The following PCDHGA1 variants were observed in gnomAD, a reference collection of about 807,000 sequenced individuals.
PCDHGA1 encodes the protein protocadherin gamma-A1.
PCDHGA1 carries 32 observed loss-of-function variants against 58.0 expected under a neutral mutation model. The ratio of observed to expected loss-of-function variants is 0.55; its 90% CI spans 0.42 to 0.74. The LOEUF (loss-of-function observed/expected upper bound fraction) is 0.74. Ranked by LOEUF, PCDHGA1 falls within the 30% of genes least tolerant of loss-of-function variation. PCDHGA1 has a pLI of 0.00. For missense variants in PCDHGA1, 1,205 were observed against 1,182.3 expected (o/e 1.02, Z -0.28); for synonymous variants, 498 against 501.1 (o/e 0.99, Z 0.08).
rs568878521 is a variant in PCDHGA1, at chr5:141,330,874, G to A, written c.190G>A (p.Val64Ile). 2.1e-5 allele frequency: 34 copies of A among 1,614,222 alleles called. No individual in the cohort carries two copies. The highest frequency in any genetic ancestry group is 3.3e-4 in the Middle Eastern group (2 of 6,062). ...LQPQELADGG[V>I]RIVSRGRMPL... ...ACCCCAGGAGCTGGCAGATGGCGGA[G>A]TCCGCATCGTCTCCAGAGGTAGGAT... The change falls in exon 1 of 4, where the codon GTC (valine) becomes ATC (isoleucine). Residue 64 changes from valine to isoleucine, a missense_variant. Transcript: ENST00000517417.
At chr5:141,409,192 G>A in intron 1 of PCDHGA1, 4 of 1,614,000 alleles carry the variant, frequency 2.5e-6, no homozygotes, top group Non-Finnish European at 3.4e-6. Context: ...TCTCTACCCA[G>A]TGTAAAGTAA....
At chr5:141,406,836 TC>T (rs2094857566) in intron 1 of PCDHGA1, among the ~76,000 whole-genome samples, 1 of 152,232 alleles carries the variant, frequency 6.6e-6, no homozygotes, top group Non-Finnish European at 1.5e-5. Context: ...AACTTGCATA[TC>T]AGATATAATT....
chr5:141,366,634 G>T, intron 1 of PCDHGA1: 1 of 1,614,220 alleles, frequency 6.2e-7, no homozygotes, highest in African/African-American at 1.3e-5. Context: ...AGAGTCACCT[G>T]ATCTTTCCCC....
At chr5:141,413,352 G>T in intron 1 of PCDHGA1, 11 of 1,613,976 alleles carry the variant, frequency 6.8e-6, no homozygotes, top group Non-Finnish European at 9.3e-6. Flanking sequence ...TGGGTCTGGC[G>T]CCCCGGGAGC....
rs1430647254 is a variant in PCDHGA1 at position 141,477,750 on chromosome 5, C to T, written c.2422-17057C>T. On this transcript the variant is annotated intron_variant, in intron 1 of 3. Coordinates refer to ENST00000517417, the MANE Select transcript of PCDHGA1 (RefSeq NM_018912.3). This position sits in a 1 kb window ranked among gnomAD's most constrained non-coding sequence, Gnocchi z 4.9. ...GCTCATATCAGCGATGGGGGCACCC[C>T]GGTCCTAGCCACCAACATCAGCGTG... 8 of 1,613,772 alleles carry T rather than the reference C, an allele frequency of 5.0e-6. No individual in the cohort carries two copies. Among genetic ancestry groups the T allele is most frequent in the East Asian group, 2.2e-5 (1 of 44,890 alleles).
At position 141,432,880 on chromosome 5, in the gene PCDHGA1, C is replaced by A. The variant is rs865848752; in HGVS notation, c.2422-61927C>A. 3 of 1,614,194 alleles carry A rather than the reference C, an allele frequency of 1.9e-6. No homozygotes were observed. The highest frequency in any genetic ancestry group is 2.5e-6 in the Non-Finnish European group (3 of 1,180,008). ...CGGTCTCCTGCGTCTTCCTGGCCTT[C>A]GTCATCTTGCTGCTGGCGCTCAGGC... On this transcript the variant is annotated intron_variant, in intron 1 of 3. Coordinates refer to ENST00000517417, the MANE Select transcript of PCDHGA1 (RefSeq NM_018912.3). The surrounding 1 kb of genome is among the most constrained non-coding windows in gnomAD (Gnocchi z 6.0).
At chr5:141,351,644 C>A (rs2149763942) in intron 1 of PCDHGA1, 1 of 1,614,060 alleles carries the variant, frequency 6.2e-7, no homozygotes, top group South Asian at 1.1e-5. Context: ...TGAGAACAAC[C>A]CACCTGGCGC....
chr5:141,384,158 T>A (rs1449699621), intron 1 of PCDHGA1: 1 of 1,613,550 alleles, frequency 6.2e-7, no homozygotes, highest in Non-Finnish European at 8.5e-7. Flanking sequence ...TTGTATAACA[T>A]CACACTGAAA....
intron 1 of PCDHGA1, among the ~76,000 whole-genome samples, chr5:141,449,199 A>T (rs927587807): frequency 3.3e-5 from 5 of 152,190 alleles, no homozygotes; most frequent in Admixed American, 2.6e-4. Flanking sequence ...AGAAGTGTTA[A>T]TTCTAACTTT....
chr5:141,352,213 C>T lies in PCDHGA1; in HGVS notation c.2421+19108C>T, dbSNP rs772410475. 7.4e-6 allele frequency: 12 copies of T among 1,614,056 alleles called. No homozygotes were observed. The Middle Eastern group carries it at 5.0e-4, about 67-fold the overall frequency. On this transcript the variant is annotated intron_variant, in intron 1 of 3. Coordinates refer to ENST00000517417, the MANE Select transcript of PCDHGA1 (RefSeq NM_018912.3). ...GTGATGGAGGACAGCCGCCACTCTC[C>T]GCCACCGCCACGCTGCACCTAATCT...
Position 141,510,982 on chromosome 5 carries a change from G to A in PCDHGA1, c.2605G>A (p.Ala869Thr). The A allele has an allele frequency of 3.1e-6, 5 of 1,614,166 alleles. No homozygotes were observed. Among genetic ancestry groups the A allele is most frequent in the Non-Finnish European group, 3.4e-6 (4 of 1,180,018 alleles). Reference protein sequence around the residue: ...ADGSSTLGGGAGTMGLSARYG... With the variant: ...ADGSSTLGGGTGTMGLSARYG... Reference sequence around the variant, plus strand: ...TGGGAGCTCCACCCTGGGAGGGGGTGCCGGCACCATGGGATTGAGCGCCCG... The same window carrying A: ...TGGGAGCTCCACCCTGGGAGGGGGTACCGGCACCATGGGATTGAGCGCCCG... The change falls in exon 4 of 4, where the codon GCC (alanine) becomes ACC (threonine). Residue 869 changes from alanine to threonine, a missense_variant. Coordinates refer to ENST00000517417, the MANE Select transcript of PCDHGA1 (RefSeq NM_018912.3).
intron 1 of PCDHGA1, chr5:141,415,308 C>T: frequency 6.2e-7 from 1 of 1,614,236 alleles, no homozygotes; most frequent in Non-Finnish European, 8.5e-7. Flanking sequence ...TCCTGGCCTT[C>T]GTCATCGTGC....
chr5:141,491,047 G>A lies in PCDHGA1; in HGVS notation c.2422-3760G>A, dbSNP rs751761240. On this transcript the variant is annotated intron_variant, in intron 1 of 3. Coordinates refer to ENST00000517417, the MANE Select transcript of PCDHGA1 (RefSeq NM_018912.3). The surrounding 1 kb of genome is among the most constrained non-coding windows in gnomAD (Gnocchi z 6.9). Reference sequence around the variant, plus strand: ...CGTGGATGCTGATGCAGGCCACAATGCGTGGCTCTCCTACTCACTGTTGCC... The same window carrying A: ...CGTGGATGCTGATGCAGGCCACAATACGTGGCTCTCCTACTCACTGTTGCC... 4 of 1,614,054 alleles carry A rather than the reference G, an allele frequency of 2.5e-6. No homozygotes were observed. Among genetic ancestry groups the A allele is most frequent in the Non-Finnish European group, 3.4e-6 (4 of 1,180,034 alleles).
At chr5:141,510,378 C>T (rs919650449) in intron 3 of PCDHGA1, among the ~76,000 whole-genome samples, 1 of 151,688 alleles carries the variant, frequency 6.6e-6, no homozygotes, top group African/African-American at 2.4e-5. Flanking sequence ...TCTACTCGTG[C>T]CAGGCCTTGC....
chr5:141,383,817 A>T, intron 1 of PCDHGA1: 1 of 1,613,926 alleles, frequency 6.2e-7, no homozygotes, highest in Non-Finnish European at 8.5e-7. Context: ...CTTTAGAAGG[A>T]TTAGATTATG....
intron 1 of PCDHGA1, among the ~76,000 whole-genome samples, chr5:141,455,423 CA>C (rs2098822271): frequency 6.6e-6 from 1 of 152,040 alleles, no homozygotes; most frequent in Non-Finnish European, 1.5e-5. Flanking sequence ...AGCGGGGCTC[CA>C]AAAGAGGAGG....
chr5:141,493,808 C>T lies in PCDHGA1; in HGVS notation c.2422-999C>T, dbSNP rs2099750260. On this transcript the variant is annotated intron_variant, in intron 1 of 3. Transcript: ENST00000517417. The surrounding 1 kb of genome is among the most constrained non-coding windows in gnomAD (Gnocchi z 4.3). ...CTTCTCCCTGGAGTAATCTGAGATA[C>T]TCACACTCTCTGCTTCTGGGAGCAA... is the stretch of plus-strand genomic sequence containing the variant. 6.6e-6 allele frequency among the ~76,000 whole-genome samples: 1 copy of T among 152,200 alleles called. No individual in the cohort carries two copies. The highest frequency in any genetic ancestry group is 1.5e-5 in the Non-Finnish European group (1 of 68,042).
At chr5:141,385,285 G>C in intron 1 of PCDHGA1, 1 of 1,613,408 alleles carries the variant, frequency 6.2e-7, no homozygotes, top group Non-Finnish European at 8.5e-7. Flanking sequence ...AACATCCGTA[G>C]ATTTTCAGGA....
chr5:141,371,512 A>C, intron 1 of PCDHGA1: 2 of 1,613,868 alleles, frequency 1.2e-6, no homozygotes, highest in African/African-American at 2.7e-5. Flanking sequence ...AAAACACATG[A>C]TCTAGATTCT....
Sources: gnomAD v4.1 joint callset for allele counts (sites outside exome capture counted in the v4.1 genomes callset) on GRCh38, gnomAD v4.1.1 for gene constraint, Gnocchi (gnomAD v3.1) non-coding constraint, MANE v1.5 for transcripts, NCBI Gene and HGNC (gene_info 2026-07-23, HGNC 2026-07-21) for gene names.